The following ITFG1 variants were observed in gnomAD, a reference collection of about 807,000 sequenced individuals.
ITFG1 encodes the protein integrin alpha FG-GAP repeat containing 1, also known as T-cell immunomodulatory protein.
Under a neutral mutation model 81.8 loss-of-function variants are expected in ITFG1, and 34 were observed. The ratio of observed to expected loss-of-function variants is 0.42; its 90% confidence interval spans 0.32 to 0.55. The LOEUF (loss-of-function observed/expected upper bound fraction) is 0.55, where lower values mean the gene tolerates loss of function less well. ITFG1 is among the 20% of genes least tolerant of loss of function. ITFG1 has a pLI of 0.17. For synonymous variants in ITFG1, 285 were observed against 270.6 expected, an observed-to-expected ratio of 1.05 and a Z score of -0.52; for missense variants, 672 against 755.4, an observed-to-expected ratio of 0.89 and a Z score of 1.29.
At position 47,443,468 on chromosome 16, in the gene ITFG1, A is replaced by G. The variant is rs139809031; in HGVS notation, c.560+7928T>C. On this transcript the variant is annotated intron_variant, in intron 5 of 17. Coordinates refer to ENST00000320640, the MANE Select transcript of ITFG1 (RefSeq NM_030790.5). ...GCACACGTATGTTTATTGCGACACT[A>G]TTCACAATAGCAAAGAGTTGGAAAC... Among the ~76,000 whole-genome samples the G allele has an allele frequency of 3.5e-3, 528 of 152,314 alleles. 8 individuals are homozygous for G. In the South Asian group the frequency reaches 0.055, roughly 16 times the overall value.
At chr16:47,191,903 C>T (rs1965298294) in intron 14 of ITFG1, among the ~76,000 whole-genome samples, 1 of 152,130 alleles carries the variant, frequency 6.6e-6, no homozygotes, top group African/African-American at 2.4e-5. Context: ...CCTCGATATC[C>T]TGGGCTTTAG....
intron 12 of ITFG1, 37 bp downstream of exon 12, chr16:47,258,595 G>A (rs756010052): frequency 2.1e-6 from 2 of 953,776 alleles, no homozygotes; most frequent in Non-Finnish European, 3.4e-6. Context: ...GAGGGGAAGA[G>A]AAAGAGAACA....
chr16:47,320,767 A>G, intron 8 of ITFG1, among the ~76,000 whole-genome samples: 1 of 152,186 alleles, frequency 6.6e-6, no homozygotes, highest in East Asian at 1.9e-4. Context: ...TATTTAATAC[A>G]GTGGTATGCT....
chr16:47,423,425 C>A (rs1968977717), intron 6 of ITFG1, among the ~76,000 whole-genome samples: 1 of 152,064 alleles, frequency 6.6e-6, no homozygotes, highest in Non-Finnish European at 1.5e-5. Flanking sequence ...GCATTTAGCC[C>A]ATTTACATTT....
chr16:47,376,991 G>C (rs1039147752), intron 6 of ITFG1, among the ~76,000 whole-genome samples: 32 of 104,318 alleles, frequency 3.1e-4, no homozygotes, highest in Non-Finnish European at 4.9e-4. Flanking sequence ...AAAAAAAAAA[G>C]ATTCAGAGTG....
chr16:47,284,097 G>A (rs1240816039), intron 10 of ITFG1, among the ~76,000 whole-genome samples: 1 of 152,134 alleles, frequency 6.6e-6, no homozygotes, highest in Non-Finnish European at 1.5e-5. Context: ...CTTGGGAGGT[G>A]ATGGCTTAGA....
At chr16:47,365,003 G>T (rs1020539833) in intron 8 of ITFG1, among the ~76,000 whole-genome samples, 1 of 152,210 alleles carries the variant, frequency 6.6e-6, no homozygotes, top group Non-Finnish European at 1.5e-5. Context: ...TTGTGCTCTT[G>T]CTATAAGCCT....
intron 13 of ITFG1, among the ~76,000 whole-genome samples, chr16:47,226,761 G>T (rs1965763316): frequency 6.6e-6 from 1 of 151,846 alleles, no homozygotes; most frequent in African/African-American, 2.4e-5. Context: ...AAATCTGAAT[G>T]TAAAAGGAGA....
At chr16:47,400,884 A>C (rs1398764486) in intron 6 of ITFG1, among the ~76,000 whole-genome samples, 1 of 152,164 alleles carries the variant, frequency 6.6e-6, no homozygotes, top group Non-Finnish European at 1.5e-5. Flanking sequence ...CATGACAAAA[A>C]GCATGCGATT....
At chr16:47,299,789 T>C (rs983430365) in intron 10 of ITFG1, 3 of 152,182 alleles carry the variant, frequency 2.0e-5, no homozygotes, top group Non-Finnish European at 2.9e-5. Context: ...GACTGCAATA[T>C]AACCCCAGGC....
intron 5 of ITFG1, among the ~76,000 whole-genome samples, chr16:47,437,895 C>T (rs570732658): frequency 6.6e-6 from 1 of 152,348 alleles, no homozygotes; most frequent in South Asian, 2.1e-4. Flanking sequence ...ATCGCCTCAC[C>T]TGGGAAGCGC....
At chr16:47,170,086 T>A (rs1964938665) in intron 14 of ITFG1, among the ~76,000 whole-genome samples, 1 of 152,256 alleles carries the variant, frequency 6.6e-6, no homozygotes, top group Non-Finnish European at 1.5e-5. Context: ...ATTTGCTTGG[T>A]AGTATTTTGT....
intron 10 of ITFG1, among the ~76,000 whole-genome samples, chr16:47,275,400 A>G (rs1411974389): frequency 6.6e-6 from 1 of 152,172 alleles, no homozygotes; most frequent in African/African-American, 2.4e-5. Flanking sequence ...GTATTTATAA[A>G]ATATAGCTAT....
chr16:47,457,890 A>G (rs1969474218), intron 2 of ITFG1, among the ~76,000 whole-genome samples: 1 of 152,152 alleles, frequency 6.6e-6, no homozygotes, highest in Non-Finnish European at 1.5e-5. Context: ...ACCCAAAAAC[A>G]CTTCTCAAGG....
chr16:47,291,267 T>C (rs1233475152), intron 10 of ITFG1, among the ~76,000 whole-genome samples: 1 of 152,208 alleles, frequency 6.6e-6, no homozygotes, highest in East Asian at 1.9e-4. Flanking sequence ...GTAAGGTTTC[T>C]GCAAGAAATC....
In ITFG1 at chr16:47,183,291, G is replaced by A. The variant is rs1038254109; in HGVS notation, c.1454-20627C>T. On this transcript the variant is annotated intron_variant, in intron 14 of 17. Coordinates refer to ENST00000320640, the MANE Select transcript of ITFG1 (RefSeq NM_030790.5). ...GTGGAGCCCACCACAGCTCCAGGAG[G>A]CCTGCCTGCCTCTGTAGGCTCCACC... Among the ~76,000 whole-genome samples, 411 of 152,340 alleles carry A rather than the reference G, an allele frequency of 2.7e-3. 2 individuals carry two copies. Among genetic ancestry groups the A allele is most frequent in the Non-Finnish European group, 4.3e-3 (293 of 68,022 alleles).
chr16:47,284,293 G>A (rs1254550143), intron 10 of ITFG1, among the ~76,000 whole-genome samples: 3 of 152,104 alleles, frequency 2.0e-5, no homozygotes, highest in African/African-American at 7.2e-5. Context: ...CATTAATGAA[G>A]CAGAATAAAA....
intron 7 of ITFG1, among the ~76,000 whole-genome samples, chr16:47,375,174 C>T (rs553460996): frequency 4.6e-5 from 7 of 152,268 alleles, no homozygotes; most frequent in East Asian, 1.9e-4. Flanking sequence ...GAGGCTCTTA[C>T]GCCCATTTTC....
chr16:47,273,604 AG>A (rs1966366229), intron 10 of ITFG1, among the ~76,000 whole-genome samples: 1 of 152,122 alleles, frequency 6.6e-6, no homozygotes, highest in Admixed American at 6.6e-5. Context: ...TCAGTGGGGG[AG>A]ACAGCACATG....
Sources: allele counts gnomAD v4.1 joint callset (sites outside exome capture counted in the v4.1 genomes callset), GRCh38; gene constraint gnomAD v4.1.1; transcripts MANE v1.5; gene names NCBI Gene and HGNC (gene_info 2026-07-23, HGNC 2026-07-21).